CALCR: variants seen among roughly 807,000 people sequenced by gnomAD.
The protein encoded by CALCR is calcitonin receptor.
CALCR carries 47 observed loss-of-function variants against 59.5 expected under a neutral mutation model. That is an observed-to-expected ratio of 0.79 (90% CI 0.63 to 1.01). CALCR has a LOEUF of 1.01. Among genes scored for constraint, CALCR ranks in the 50% least tolerant of loss-of-function variants. CALCR has a pLI of 0.00. For synonymous variants in CALCR, 213 were observed against 211.3 expected (o/e 1.01, Z -0.07); for missense variants, 566 against 597.1 (o/e 0.95, Z 0.54).
At chr7:93,550,164 G>C (rs1303635706) in intron 2 of CALCR, among the ~76,000 whole-genome samples, 1 of 152,008 alleles carries the variant, frequency 6.6e-6, no homozygotes, top group Admixed American at 6.6e-5. Context: ...ATATGGTTTT[G>C]TTTTCCCTTT....
At chr7:93,517,334 C>A (rs1801672469) in intron 2 of CALCR, among the ~76,000 whole-genome samples, 1 of 124,996 alleles carries the variant, frequency 8.0e-6, no homozygotes, top group African/African-American at 4.3e-5. Flanking sequence ...AGCCATATGG[C>A]CTTGTGCTAA....
intron 2 of CALCR, among the ~76,000 whole-genome samples, chr7:93,555,268 T>C (rs1789568385): frequency 6.6e-6 from 1 of 152,126 alleles, no homozygotes; most frequent in South Asian, 2.1e-4. Context: ...AGGGGACTTT[T>C]ATCTGATCAT....
intron 6 of CALCR, among the ~76,000 whole-genome samples, chr7:93,470,864 C>T (rs990823829): frequency 2.6e-5 from 4 of 151,134 alleles, no homozygotes; most frequent in African/African-American, 9.7e-5. Flanking sequence ...CATGCTGGTG[C>T]GCTGCACCCA....
intron 9 of CALCR, among the ~76,000 whole-genome samples, chr7:93,442,727 A>AC (rs773661221): frequency 3.2e-4 from 48 of 152,214 alleles, no homozygotes; most frequent in Admixed American, 5.2e-4. Context: ...AGTCACAGTC[A>AC]CCCATCATGT....
rs951726853 is a variant in CALCR, at chr7:93,466,916, C to G, written c.521+1799G>C. The stretch of plus-strand genomic sequence containing the variant: ...TCTTAATTTCTTTGCTGATTTGGCT[C>G]TCACATCTCCTCACTTATTTAAGTG... On this transcript the variant is annotated intron_variant, in intron 7 of 13. Coordinates refer to ENST00000426151, the MANE Select transcript of CALCR (RefSeq NM_001742.4). Among the ~76,000 whole-genome samples, 4 of 151,662 alleles carry G rather than the reference C, an allele frequency of 2.6e-5. No homozygotes were observed. The Admixed American group carries it at 2.6e-4, about 10-fold the overall frequency.
intron 2 of CALCR, among the ~76,000 whole-genome samples, chr7:93,560,933 G>A (rs959165120): frequency 6.6e-6 from 1 of 152,104 alleles, no homozygotes; most frequent in East Asian, 1.9e-4. Flanking sequence ...GTAAAATGAG[G>A]ATCATAATCA....
At chr7:93,501,868 A>G (rs1801328236) in intron 2 of CALCR, among the ~76,000 whole-genome samples, 1 of 152,130 alleles carries the variant, frequency 6.6e-6, no homozygotes, top group Non-Finnish European at 1.5e-5. Flanking sequence ...CTCTAACTTA[A>G]GTTCACTGCT....
chr7:93,479,125 C>A (rs377456255), intron 4 of CALCR, among the ~76,000 whole-genome samples: 6 of 151,722 alleles, frequency 4.0e-5, no homozygotes, highest in Non-Finnish European at 2.9e-5. Flanking sequence ...TGAATTATTG[C>A]GGTAATTTTA....
intron 5 of CALCR, 53 bp downstream of exon 5, chr7:93,477,505 G>T: frequency 2.3e-6 from 3 of 1,277,272 alleles, no homozygotes; most frequent in Non-Finnish European, 3.4e-6. Context: ...TCAAAACCAT[G>T]AAAACTCTAA....
chr7:93,554,397 A>C (rs1271368275), intron 2 of CALCR, among the ~76,000 whole-genome samples: 2 of 152,108 alleles, frequency 1.3e-5, no homozygotes, highest in South Asian at 2.1e-4. Flanking sequence ...ACCACCTTAC[A>C]TATGCAAATT....
chr7:93,476,621 T>C (rs886744360), intron 5 of CALCR, among the ~76,000 whole-genome samples: 3 of 151,854 alleles, frequency 2.0e-5, no homozygotes, highest in Admixed American at 6.6e-5. Flanking sequence ...CCTTGCCTTG[T>C]AGTCACTATT....
At chr7:93,452,162 C>G (rs1296867964) in intron 8 of CALCR, among the ~76,000 whole-genome samples, 1 of 151,976 alleles carries the variant, frequency 6.6e-6, no homozygotes, top group African/African-American at 2.4e-5. Flanking sequence ...TTCTGCATCT[C>G]TAACCGAAGC....
chr7:93,498,354 G>A (rs1405809716), intron 2 of CALCR, among the ~76,000 whole-genome samples: 1 of 151,562 alleles, frequency 6.6e-6, no homozygotes, highest in Non-Finnish European at 1.5e-5. Flanking sequence ...GGAGATCTTA[G>A]AGAAATGGTT....
At chr7:93,459,771 G>C (rs1210757732) in intron 8 of CALCR, among the ~76,000 whole-genome samples, 7 of 152,154 alleles carry the variant, frequency 4.6e-5, no homozygotes, top group African/African-American at 9.7e-5. Context: ...TGACAAATAT[G>C]GGTTATTCTG....
intron 8 of CALCR, among the ~76,000 whole-genome samples, chr7:93,459,208 G>T (rs12019357): frequency 0.062 from 9,409 of 152,192 alleles, 927 homozygotes; most frequent in African/African-American, 0.21. Flanking sequence ...TCTGGTAGAT[G>T]TGGAAAACTA....
chr7:93,496,252 C>T (rs35762423), intron 2 of CALCR, among the ~76,000 whole-genome samples: 1 of 151,336 alleles, frequency 6.6e-6, no homozygotes, highest in African/African-American at 2.4e-5. Flanking sequence ...CTTTCCTATT[C>T]TCTCAGAGAT....
chr7:93,480,363 A>G (rs1456573309), intron 3 of CALCR, among the ~76,000 whole-genome samples: 1 of 151,800 alleles, frequency 6.6e-6, no homozygotes, highest in African/African-American at 2.4e-5. Flanking sequence ...TTTAATATCC[A>G]TGTTCTGCAT....
intron 7 of CALCR, among the ~76,000 whole-genome samples, chr7:93,464,067 G>C (rs1800393021): frequency 6.6e-6 from 1 of 151,958 alleles, no homozygotes; most frequent in Non-Finnish European, 1.5e-5. Flanking sequence ...ACATTTTAAG[G>C]CTAAAGCAAA....
intron 2 of CALCR, among the ~76,000 whole-genome samples, chr7:93,522,726 G>A (rs565192478): frequency 6.6e-6 from 1 of 152,276 alleles, no homozygotes; most frequent in South Asian, 2.1e-4. Flanking sequence ...CATGCCATCT[G>A]TGCTCCAGGC....
Sources: gnomAD v4.1 joint callset for allele counts (sites outside exome capture counted in the v4.1 genomes callset) on GRCh38, gnomAD v4.1.1 for gene constraint, MANE v1.5 for transcripts, NCBI Gene and HGNC (gene_info 2026-07-23, HGNC 2026-07-21) for gene names.